Variants in PRKD2 observed in about 807,000 individuals in gnomAD.
The protein encoded by PRKD2 is serine/threonine-protein kinase D2.
Under a neutral mutation model 86.0 loss-of-function variants are expected in PRKD2, and 22 were observed. The observed-to-expected ratio is 0.26, with a 90% CI of 0.18 to 0.37. PRKD2 has a LOEUF of 0.37. Ranked by LOEUF, PRKD2 falls within the 10% of genes least tolerant of loss-of-function variation. The pLI is 1.00. For synonymous variants in PRKD2, 509 were observed against 510.9 expected (o/e 1.00, Z 0.05); for missense variants, 818 against 1,199.2 (o/e 0.68, Z 4.70).
At chr19:46,676,033 A>T (rs1202005290) in intron 16 of PRKD2, among the ~76,000 whole-genome samples, 1 of 152,172 alleles carries the variant, frequency 6.6e-6, no homozygotes, top group Non-Finnish European at 1.5e-5. Context: ...TGCTGGGATT[A>T]TGGGCTTCAG....
rs756722138 is a variant in PRKD2, at chr19:46,691,918, G to C, written c.1629+15C>G. 2 of 1,613,482 alleles carry C rather than the reference G, an allele frequency of 1.2e-6. No individual in the cohort carries two copies. The highest frequency in any genetic ancestry group is 2.2e-5 in the South Asian group (2 of 91,070). On this transcript the variant is annotated intron_variant, in intron 11 of 17. Coordinates refer to ENST00000291281, the MANE Select transcript of PRKD2 (RefSeq NM_016457.5). ...TGTGGGAGGGGAGGGCATCAGGTGGGGGCAGGAGTCTCACCACATTCTCTT... is the reference window on the plus strand; with the variant it reads ...TGTGGGAGGGGAGGGCATCAGGTGGCGGCAGGAGTCTCACCACATTCTCTT...
Position 46,678,574 on chromosome 19 carries a change from G to A in PRKD2, c.2160C>T (p.Pro720=), listed in dbSNP as rs201032879. Residue 720 remains proline (P), a synonymous_variant, in exon 16 of 18, where the codon CCC becomes CCT. Transcript: ENST00000291281. The surrounding 1 kb of genome is among the most constrained non-coding windows in gnomAD (Gnocchi z 5.7). ...SVVGTPAYLA[P]EVLLNQGYNR... ...TGTAGCCCTGGTTGAGCAGCACCTC[G>A]GGTGCCAGGTAGGCCGGCGTGCCCA... The A allele has an allele frequency of 2.2e-5, 35 of 1,614,026 alleles. No homozygotes were observed. The highest frequency in any genetic ancestry group is 3.3e-5 in the Admixed American group (2 of 60,006).
chr19:46,688,887 C>CG (rs2053441223), intron 14 of PRKD2: 1 of 152,044 alleles, frequency 6.6e-6, no homozygotes, highest in African/African-American at 2.4e-5. Context: ...GAGCTTTGAC[C>CG]TGCTCCATTT....
chr19:46,710,190 T>A (rs2053784461), intron 3 of PRKD2, among the ~76,000 whole-genome samples: 1 of 150,836 alleles, frequency 6.6e-6, no homozygotes, highest in African/African-American at 2.4e-5. Flanking sequence ...AGCCACCGTG[T>A]CCGGCCTTTT....
At position 46,678,671 on chromosome 19, in the gene PRKD2, G is replaced by A. The variant is rs768796295; in HGVS notation, c.2071-8C>T. 2 of 1,599,606 alleles carry A rather than the reference G, an allele frequency of 1.3e-6. No homozygotes were observed. The highest frequency in any genetic ancestry group is 1.1e-5 in the South Asian group (1 of 90,988). ...AAAGTCACACAGCTTCACCTGCAGA[G>A]GGCAAGGGATGGAGGCTCCACCAGG... is the stretch of plus-strand genomic sequence containing the variant. On this transcript the variant is annotated splice_region_variant and splice_polypyrimidine_tract_variant and intron_variant, in intron 15 of 17. Transcript: ENST00000291281. This position sits in a 1 kb window ranked among gnomAD's most constrained non-coding sequence, Gnocchi z 5.7.
intron 14 of PRKD2, among the ~76,000 whole-genome samples, chr19:46,683,172 T>G (rs927974996): frequency 7.6e-4 from 114 of 150,820 alleles, no homozygotes; most frequent in Non-Finnish European, 1.2e-3. Context: ...ATTCCTTTTT[T>G]TTTTTTTTTT....
intron 8 of PRKD2, 148 bp downstream of exon 8, chr19:46,697,585 C>A: frequency 1.4e-6 from 1 of 703,504 alleles, no homozygotes; most frequent in Non-Finnish European, 2.4e-6. Flanking sequence ...ACTTCTAATT[C>A]TAGCCCCGCC....
intron 5 of PRKD2, among the ~76,000 whole-genome samples, chr19:46,701,466 CA>C (rs2053634083): frequency 6.6e-6 from 1 of 151,294 alleles, no homozygotes; most frequent in African/African-American, 2.4e-5. Context: ...ACTAAAAATA[CA>C]AAAATTAGCT....
intron 9 of PRKD2, 63 bp downstream of exon 9, chr19:46,697,094 A>T (rs2053569739): frequency 7.9e-7 from 1 of 1,263,618 alleles, no homozygotes; most frequent in Admixed American, 1.7e-5. Context: ...GGGTAGGAGG[A>T]GGTGTGGGAA....
chr19:46,696,135 G>A (rs935023566), intron 9 of PRKD2, among the ~76,000 whole-genome samples: 14 of 152,132 alleles, frequency 9.2e-5, no homozygotes, highest in Non-Finnish European at 2.9e-5. Context: ...CACCACGCCT[G>A]GCCAAGGACA....
intron 10 of PRKD2, among the ~76,000 whole-genome samples, chr19:46,692,550 C>T (rs1248290425): frequency 1.3e-5 from 2 of 151,256 alleles, no homozygotes; most frequent in African/African-American, 4.9e-5. Flanking sequence ...TTCCTACTCA[C>T]CTCCCACAGA....
In PRKD2 at chr19:46,678,402, C is replaced by T; in HGVS notation, c.2332G>A (p.Ala778Thr). 6.2e-7 allele frequency: 1 copy of T among 1,614,134 alleles called. No homozygotes were observed. The highest frequency in any genetic ancestry group is 8.5e-7 in the Non-Finnish European group (1 of 1,180,018). The change falls in exon 16 of 18, where the codon GCT (alanine) becomes ACT (threonine). Residue 778 changes from alanine to threonine, a missense_variant. Ala to Thr is a moderately conservative substitution (Grantham distance 58). Around this residue, in one of 5 missense-constraint regions of PRKD2, gnomAD observed 132 missense variants for 146.2 expected, o/e 0.90. Coordinates refer to ENST00000291281, the MANE Select transcript of PRKD2 (RefSeq NM_016457.5). This position sits in a 1 kb window ranked among gnomAD's most constrained non-coding sequence, Gnocchi z 5.7. ...YPASPWSHIS[A>T]GAIDLINNLL... ...GTAGGCGGGCCCCAGGCACCTCCAGCTGAGATGTGGCTCCAGGGGCTGGCC... is the reference window on the plus strand; with the variant it reads ...GTAGGCGGGCCCCAGGCACCTCCAGTTGAGATGTGGCTCCAGGGGCTGGCC...
At chr19:46,677,669 C>T (rs1427980035) in intron 16 of PRKD2, among the ~76,000 whole-genome samples, 1 of 152,102 alleles carries the variant, frequency 6.6e-6, no homozygotes, top group African/African-American at 2.4e-5. Context: ...TCACCAGGCC[C>T]GGTGCCACTT....
At chr19:46,686,351 T>C (rs2122620198) in intron 14 of PRKD2, among the ~76,000 whole-genome samples, 1 of 151,188 alleles carries the variant, frequency 6.6e-6, no homozygotes, top group East Asian at 2.0e-4. Flanking sequence ...TAAAAAAAAA[T>C]TAGCCAGGTG....
chr19:46,680,946 A>ATATATATATATTTTTTT, intron 15 of PRKD2, among the ~76,000 whole-genome samples: 8 of 48,232 alleles, frequency 1.7e-4, no homozygotes, highest in Admixed American at 3.1e-4. Context: ...ATATATATAT[A>ATATATATATATTTTTTT]TTTTTTTTTT....
chr19:46,695,970 C>T (rs1165930991), intron 9 of PRKD2, among the ~76,000 whole-genome samples: 1 of 152,168 alleles, frequency 6.6e-6, no homozygotes, highest in African/African-American at 2.4e-5. Flanking sequence ...TCCCAAGTAG[C>T]TGGGGTTATA....
At chr19:46,689,455 C>T in intron 14 of PRKD2, 82 bp downstream of exon 14, 2 of 1,464,850 alleles carry the variant, frequency 1.4e-6, no homozygotes, top group Non-Finnish European at 1.8e-6. Context: ...CAAGTGTCTG[C>T]TTGACCCCCT....
chr19:46,690,297 G>C (rs2053465380), intron 13 of PRKD2, among the ~76,000 whole-genome samples: 1 of 152,090 alleles, frequency 6.6e-6, no homozygotes, highest in African/African-American at 2.4e-5. Flanking sequence ...GTACACACCT[G>C]ATCCTGCCCC....
At chr19:46,690,135 T>C (rs997706347) in intron 13 of PRKD2, among the ~76,000 whole-genome samples, 1 of 152,146 alleles carries the variant, frequency 6.6e-6, no homozygotes, top group Non-Finnish European at 1.5e-5. Flanking sequence ...TCTGCACATC[T>C]GTATCTTTTA....
Sources: allele counts gnomAD v4.1 joint callset (sites outside exome capture counted in the v4.1 genomes callset), GRCh38; gene constraint gnomAD v4.1.1; regional missense constraint gnomAD v4.1.1; non-coding constraint Gnocchi (gnomAD v3.1); transcripts MANE v1.5; gene names NCBI Gene and HGNC (gene_info 2026-07-23, HGNC 2026-07-21).